The following KCNV1 variants were observed in gnomAD, a reference collection of about 807,000 sequenced individuals.
KCNV1 encodes the protein potassium voltage-gated channel subfamily V member 1.
Under a neutral mutation model 36.4 loss-of-function variants are expected in KCNV1, and 2 were observed. The observed-to-expected ratio is 0.05, with a 90% CI of 0.02 to 0.17. KCNV1 has a LOEUF of 0.17. KCNV1 is among the 10% of genes least tolerant of loss of function. The probability of loss-of-function intolerance (pLI) is 1.00; values close to 1 mark genes in which losing one functional copy is unlikely to be tolerated. For missense variants in KCNV1, 321 were observed against 643.6 expected, an observed-to-expected ratio of 0.50 and a Z score of 5.42; for synonymous variants, 280 against 261.1, an observed-to-expected ratio of 1.07 and a Z score of -0.70.
chr8:109,972,453 C>A lies in KCNV1; in HGVS notation c.796G>T (p.Asp266Tyr). 6.2e-7 allele frequency: 1 copy of A among 1,614,124 alleles called. No homozygotes were observed. Among genetic ancestry groups the A allele is most frequent in the Non-Finnish European group, 8.5e-7 (1 of 1,180,034 alleles). Residue 266 changes from aspartate to tyrosine, a missense_variant, in exon 3 of 4, where the codon GAC (aspartate) becomes TAC (tyrosine). Physicochemically the swap from Asp to Tyr is radical, Grantham distance 160 (BLOSUM62 -3). Around this residue, in one of 5 missense-constraint regions of KCNV1, gnomAD observed 141 missense variants for 225.0 expected, o/e 0.63. Coordinates refer to ENST00000524391, the MANE Select transcript of KCNV1 (RefSeq NM_014379.4). The surrounding 1 kb of genome is among the most constrained non-coding windows in gnomAD (Gnocchi z 5.2). ...ACCTTTCTTAGGAAGCGACACCTGT[C>A]CCGCACACACAGGAAGCGGAGGACA... Reference protein sequence around the residue: ...EFVLRFLCVRDRCRFLRKVPN... With the variant: ...EFVLRFLCVRYRCRFLRKVPN...
intron 3 of KCNV1, among the ~76,000 whole-genome samples, chr8:109,971,754 C>CA: frequency 6.6e-6 from 1 of 152,096 alleles, no homozygotes; most frequent in South Asian, 2.1e-4. Flanking sequence ...AGGCCACCTG[C>CA]ACCTAGTCAT....
rs1036504117 is a variant in KCNV1 at position 109,964,216 on chromosome 8, A to G, written c.*3872T>C. ...GAACAGACACTTTTCAAAAGAAAAC[A>G]TACATGCAGCCAACAATGATATGAA... On this transcript the variant is annotated 3_prime_UTR_variant, in exon 4 of 4. Transcript: ENST00000524391. The G allele has an allele frequency of 6.6e-6, 1 of 152,210 alleles. No homozygotes were observed. Among genetic ancestry groups the G allele is most frequent in the African/African-American group, 2.4e-5 (1 of 41,458 alleles). 9.4% of individuals were successfully genotyped at this position (152,210 alleles called of 1,614,324 possible). A position where few individuals can be genotyped will look rare whatever the true frequency, so the allele number is the denominator to read the frequency against.
Position 109,972,805 on chromosome 8 carries a change from T to C in KCNV1, c.462-18A>G, listed in dbSNP as rs1278105644. 2 of 1,553,306 alleles carry C rather than the reference T, an allele frequency of 1.3e-6. No homozygotes were observed. Among genetic ancestry groups the C allele is most frequent in the Non-Finnish European group, 1.7e-6 (2 of 1,152,866 alleles). ...TGAAGTATCTTTTAGAGAAAACAAT[T>C]TGGTGATTAGTCTAACTTTATTAAA... On this transcript the variant is annotated intron_variant, in intron 2 of 3. Transcript: ENST00000524391. The surrounding 1 kb of genome is among the most constrained non-coding windows in gnomAD (Gnocchi z 5.2).
rs1019484068 is a variant in KCNV1, at chr8:109,963,979, C to T, written c.*4109G>A. 1 of 151,886 alleles carries T rather than the reference C, an allele frequency of 6.6e-6. No individual in the cohort carries two copies. Among genetic ancestry groups the T allele is most frequent in the Admixed American group, 6.6e-5 (1 of 15,238 alleles). The allele number at this position is 151,886 out of a possible 1,614,324, so 9.4% of individuals were successfully genotyped here. On this transcript the variant is annotated 3_prime_UTR_variant, in exon 4 of 4. Transcript: ENST00000524391. ...ATGAAGACACAAAAGGTGGTTGCAA[C>T]GAAAGCAAAAATTGGCAAATGGGAT...
At position 109,964,826 on chromosome 8, in the gene KCNV1, C is replaced by G. The variant is rs2130893677; in HGVS notation, c.*3262G>C. 1 of 152,258 alleles carries G rather than the reference C, an allele frequency of 6.6e-6. No individual in the cohort carries two copies. Among genetic ancestry groups the G allele is most frequent in the Non-Finnish European group, 1.5e-5 (1 of 68,022 alleles). The allele number at this position is 152,258 out of a possible 1,614,324, so 9.4% of individuals were successfully genotyped here. On this transcript the variant is annotated 3_prime_UTR_variant, in exon 4 of 4. Transcript: ENST00000524391. ...TGAACACATAGAGGGAAACAACACA[C>G]ATTGGGGCCTATCAGAGGGTGCTGG...
Position 109,964,230 on chromosome 8 carries a change from CAAT to C in KCNV1, c.*3855_*3857del, listed in dbSNP as rs1313569514. ...CAAAAGAAAACATACATGCAGCCAA[CAAT>C]GATATGAAAAAAAGCCTCAATATCA... On this transcript the variant is annotated 3_prime_UTR_variant, in exon 4 of 4. Transcript: ENST00000524391. 2 of 150,376 alleles carry C rather than the reference CAAT, an allele frequency of 1.3e-5. No homozygotes were observed. The highest frequency in any genetic ancestry group is 2.5e-5 in the African/African-American group (1 of 40,726). The allele number at this position is 150,376 out of a possible 1,614,324, so 9.3% of individuals were successfully genotyped here.
chr8:109,974,577 C>A lies in KCNV1; in HGVS notation c.-189G>T. On this transcript the variant is annotated 5_prime_UTR_variant, in exon 2 of 4. Coordinates refer to ENST00000524391, the MANE Select transcript of KCNV1 (RefSeq NM_014379.4). This position sits in a 1 kb window ranked among gnomAD's most constrained non-coding sequence, Gnocchi z 6.2. The stretch of plus-strand genomic sequence containing the variant: ...CTTCCTCCTCCTGCCGCTAGGGAGC[C>A]GGGAGTGCGCGGAAGCAGCGCACAA... The A allele has an allele frequency of 1.7e-6, 1 of 590,260 alleles. No homozygotes were observed. Among genetic ancestry groups the A allele is most frequent in the Non-Finnish European group, 3.0e-6 (1 of 334,048 alleles). The allele number at this position is 590,260 out of a possible 1,614,324, so 36.6% of individuals were successfully genotyped here.
At chr8:109,971,581 C>T (rs958612913) in intron 3 of KCNV1, among the ~76,000 whole-genome samples, 35 of 152,026 alleles carry the variant, frequency 2.3e-4, no homozygotes, top group African/African-American at 8.2e-4. Flanking sequence ...TTTTCAAAGG[C>T]TCTGTGATAC....
rs1189852932 is a variant in KCNV1 at position 109,964,878 on chromosome 8, A to G, written c.*3210T>C. The G allele has an allele frequency of 6.7e-6, 1 of 149,388 alleles. No homozygotes were observed. Among genetic ancestry groups the G allele is most frequent in the Non-Finnish European group, 1.5e-5 (1 of 68,026 alleles). The allele number at this position is 149,388 out of a possible 1,614,324, so 9.3% of individuals were successfully genotyped here. A position where few individuals can be genotyped will look rare whatever the true frequency, so the allele number is the denominator to read the frequency against. ...TAGGAGGAGGGAGAGAATCAGGAAA[A>G]ATAACTGGTGCTAGGTTTAATACCT... On this transcript the variant is annotated 3_prime_UTR_variant, in exon 4 of 4. Transcript: ENST00000524391.
In KCNV1 at chr8:109,968,577, T is replaced by C; in HGVS notation, c.1014A>G (p.Thr338=). ...CGACTTCTTCGTAACACTGGGTGAT[T>C]GTCATCCCAAGGGAGCGTAATCCTG... ...HSTGLRSLGM[T]ITQCYEEVGL... The change falls in exon 4 of 4, where the codon ACA becomes ACG. Residue 338 remains threonine, a synonymous_variant. Coordinates refer to ENST00000524391, the MANE Select transcript of KCNV1 (RefSeq NM_014379.4). The surrounding 1 kb of genome is among the most constrained non-coding windows in gnomAD (Gnocchi z 5.3). 6.3e-7 allele frequency: 1 copy of C among 1,594,876 alleles called. No individual in the cohort carries two copies. Among genetic ancestry groups the C allele is most frequent in the South Asian group, 1.1e-5 (1 of 89,962 alleles).
rs1157202808 is a variant in KCNV1, at chr8:109,968,249, G to A, written c.1342C>T (p.Arg448Cys). Reference sequence around the variant, plus strand: ...TTGGTAAGCTTCTTTAGGGCTTCACGCTGTCTAACAGCTGCTTCCTTGAGT... The same window carrying A: ...TTGGTAAGCTTCTTTAGGGCTTCACACTGTCTAACAGCTGCTTCCTTGAGT... ...LKLKEAAVRQ[R>C]EALKKLTKNI... is the part of the protein sequence containing the mutation. Residue 448 changes from arginine to cysteine, a missense_variant, in exon 4 of 4, where the codon CGT (arginine) becomes TGT (cysteine). Arg to Cys is a radical substitution (Grantham distance 180). Around this residue, in one of 5 missense-constraint regions of KCNV1, gnomAD observed 45 missense variants for 76.8 expected, o/e 0.59. Transcript: ENST00000524391. This position sits in a 1 kb window ranked among gnomAD's most constrained non-coding sequence, Gnocchi z 5.3. 2.5e-6 allele frequency: 4 copies of A among 1,613,982 alleles called. No individual in the cohort carries two copies. Among genetic ancestry groups the A allele is most frequent in the South Asian group, 1.1e-5 (1 of 91,084 alleles).
rs1318991850 is a variant in KCNV1 at position 109,968,685 on chromosome 8, C to T, written c.992-86G>A. 58 of 1,361,234 alleles carry T rather than the reference C, an allele frequency of 4.3e-5. No homozygotes were observed. The highest frequency in any genetic ancestry group is 3.0e-6 in the Non-Finnish European group (3 of 996,398). 84.3% of individuals were successfully genotyped at this position (1,361,234 alleles called of 1,614,324 possible). ...CCTCCCCTCTCCCTCCTTGCTCTGC[C>T]ACCCACAAACTGCACTGCACACTTA... is the stretch of plus-strand genomic sequence containing the variant. On this transcript the variant is annotated intron_variant, in intron 3 of 3. Coordinates refer to ENST00000524391, the MANE Select transcript of KCNV1 (RefSeq NM_014379.4). This position sits in a 1 kb window ranked among gnomAD's most constrained non-coding sequence, Gnocchi z 5.3.
At position 109,974,227 on chromosome 8, in the gene KCNV1, C is replaced by G; in HGVS notation, c.162G>C (p.Gln54His). The change falls in exon 2 of 4, where the codon CAG becomes CAC. Residue 54 changes from glutamine to histidine, a missense_variant. Gln to His is a conservative substitution (Grantham distance 24). Around this residue, in one of 5 missense-constraint regions of KCNV1, gnomAD observed 60 missense variants for 160.5 expected, o/e 0.37. Transcript: ENST00000524391. This position sits in a 1 kb window ranked among gnomAD's most constrained non-coding sequence, Gnocchi z 6.2. ...NVGGSRFVLSQQALSCFPHTR... is the reference protein window; with the variant it reads ...NVGGSRFVLSHQALSCFPHTR... ...TGTGCGGGAAGCAGGACAGCGCCTG[C>G]TGCGAGAGCACGAAGCGGCTGCCGC... The G allele has an allele frequency of 6.4e-7, 1 of 1,573,774 alleles. No individual in the cohort carries two copies. The highest frequency in any genetic ancestry group is 8.6e-7 in the Non-Finnish European group (1 of 1,160,530).
At chr8:109,973,189 CA>C (rs1277915671) in intron 2 of KCNV1, among the ~76,000 whole-genome samples, 3 of 152,058 alleles carry the variant, frequency 2.0e-5, no homozygotes, top group African/African-American at 4.8e-5. Context: ...CCATGTTGTC[CA>C]GGGGGGGTCT....
intron 1 of KCNV1, 82 bp downstream of exon 1, chr8:109,975,537 G>A (rs1347809156): frequency 6.6e-6 from 1 of 152,302 alleles, no homozygotes; most frequent in Non-Finnish European, 1.5e-5. Context: ...GTACCCACGG[G>A]GCCCCTGGAA....
intron 3 of KCNV1, among the ~76,000 whole-genome samples, chr8:109,970,399 C>A (rs906296416): frequency 2.0e-5 from 3 of 152,080 alleles, no homozygotes; most frequent in African/African-American, 7.2e-5. Flanking sequence ...GAATTTCTAG[C>A]ATGTTATCTC....
At chr8:109,971,656 C>T (rs573803902) in intron 3 of KCNV1, among the ~76,000 whole-genome samples, 2 of 151,710 alleles carry the variant, frequency 1.3e-5, no homozygotes, top group South Asian at 2.1e-4. Context: ...ACAAGAAAAC[C>T]TTCAGATACT....
In KCNV1 at chr8:109,967,751, A is replaced by T. The variant is rs766454434; in HGVS notation, c.*337T>A. The T allele has an allele frequency of 5.9e-5, 11 of 186,962 alleles. No homozygotes were observed. Among genetic ancestry groups the T allele is most frequent in the Non-Finnish European group, 1.0e-4 (9 of 89,400 alleles). 11.6% of individuals were successfully genotyped at this position (186,962 alleles called of 1,614,324 possible). A position where few individuals can be genotyped will look rare whatever the true frequency, so the allele number is the denominator to read the frequency against. On this transcript the variant is annotated 3_prime_UTR_variant, in exon 4 of 4. Transcript: ENST00000524391. ...CCATTTTTAAAAAATTAGTGGTGCAAAAAACTTCTAATGTTAGTGATACAT... is the reference window on the plus strand; with the variant it reads ...CCATTTTTAAAAAATTAGTGGTGCATAAAACTTCTAATGTTAGTGATACAT...
chr8:109,970,542 A>G (rs1026898170), intron 3 of KCNV1, among the ~76,000 whole-genome samples: 2 of 152,128 alleles, frequency 1.3e-5, no homozygotes, highest in Non-Finnish European at 2.9e-5. Context: ...CAGGATTTAA[A>G]CCTAGTTTCT....
Sources: allele counts gnomAD v4.1 joint callset (sites outside exome capture counted in the v4.1 genomes callset), GRCh38; gene constraint gnomAD v4.1.1; regional missense constraint gnomAD v4.1.1; non-coding constraint Gnocchi (gnomAD v3.1); transcripts MANE v1.5; gene names NCBI Gene and HGNC (gene_info 2026-07-23, HGNC 2026-07-21).